The following NBEA variants were observed in gnomAD, a reference collection of about 807,000 sequenced individuals.
The protein encoded by NBEA is neurobeachin, also known as lysosomal-trafficking regulator 2.
In NBEA, 44 loss-of-function variants were observed where a neutral mutation model predicts 343.4. The observed-to-expected ratio is 0.13, with a 90% CI of 0.10 to 0.16. The LOEUF is 0.16. NBEA is among the 10% of genes least tolerant of loss of function. NBEA has a pLI of 1.00. For missense variants in NBEA, 2,555 were observed against 3,631.3 expected (o/e 0.70, Z 7.62); for synonymous variants, 1,175 against 1,238.7 (o/e 0.95, Z 1.08).
chr13:35,626,335 T>C (rs2083229555), intron 48 of NBEA, among the ~76,000 whole-genome samples: 1 of 152,172 alleles, frequency 6.6e-6, no homozygotes, highest in Non-Finnish European at 1.5e-5. Context: ...AAACACATTT[T>C]AAAAGCTCAA....
Position 35,475,319 on chromosome 13 carries a change from T to C in NBEA, c.6585+2783T>C, listed in dbSNP as rs45612732. 2,299 of 1,614,018 alleles carry C rather than the reference T, an allele frequency of 1.4e-3. 5 individuals carry two copies. The highest frequency in any genetic ancestry group is 1.8e-3 in the Non-Finnish European group (2,105 of 1,180,000). ...CACTCGTAGGAAACCAGAGTCTTCA[T>C]ATGGTAATTGTTCAAGGGCTGGCCC... On this transcript the variant is annotated intron_variant, in intron 41 of 58. Transcript: ENST00000379939.
chr13:35,242,794 T>C (rs1318343497), intron 34 of NBEA, among the ~76,000 whole-genome samples: 1 of 151,740 alleles, frequency 6.6e-6, no homozygotes, highest in Admixed American at 6.6e-5. Flanking sequence ...CCAATAATAC[T>C]ACCTCCAGCA....
intron 34 of NBEA, among the ~76,000 whole-genome samples, chr13:35,243,280 A>G (rs1234736100): frequency 2.0e-5 from 3 of 151,940 alleles, no homozygotes; most frequent in Non-Finnish European, 4.4e-5. Context: ...TAGAAATTAC[A>G]CGAAAGAACA....
rs1017142654 is a variant in NBEA, at chr13:35,420,569, G to A, written c.6180-11700G>A. Among the ~76,000 whole-genome samples the A allele has an allele frequency of 3.3e-5, 5 of 151,938 alleles. No individual in the cohort carries two copies. The East Asian group carries it at 9.6e-4, about 29-fold the overall frequency. Reference sequence around the variant, plus strand: ...TTTCTTCCTATTCTGTTTTCTGGAAGAGATTATGTATAATTGGAGTTAATT... The same window carrying A: ...TTTCTTCCTATTCTGTTTTCTGGAAAAGATTATGTATAATTGGAGTTAATT... On this transcript the variant is annotated intron_variant, in intron 38 of 58. Transcript: ENST00000379939.
intron 13 of NBEA, among the ~76,000 whole-genome samples, chr13:35,113,614 T>TATCTATCTATCTATC (rs1388267021): frequency 6.6e-6 from 1 of 151,722 alleles, no homozygotes; most frequent in Non-Finnish European, 1.5e-5. Flanking sequence ...TCTATCTATC[T>TATCTATCTATCTATC]ATCTATCTAT....
intron 38 of NBEA, among the ~76,000 whole-genome samples, chr13:35,361,955 A>AT (rs1299681491): frequency 6.6e-6 from 1 of 151,838 alleles, no homozygotes; most frequent in African/African-American, 2.4e-5. Flanking sequence ...GCTGTCCTAT[A>AT]TTTTTACTGG....
chr13:35,645,800 A>G (rs1227227347), intron 49 of NBEA, 69 bp from the exon 50 acceptor site: 10 of 951,738 alleles, frequency 1.1e-5, no homozygotes, highest in South Asian at 9.5e-5. Flanking sequence ...ATTGGAACCT[A>G]TAACTTTCTG....
chr13:35,111,059 A>G (rs956150426), intron 13 of NBEA, 81 bp downstream of exon 13: 4 of 1,142,446 alleles, frequency 3.5e-6, no homozygotes, highest in East Asian at 2.7e-5. Flanking sequence ...AGCAGTGTAC[A>G]TGACTATGAA....
At chr13:35,165,528 G>A (rs528042956) in intron 24 of NBEA, among the ~76,000 whole-genome samples, 8 of 152,102 alleles carry the variant, frequency 5.3e-5, no homozygotes, top group Non-Finnish European at 1.2e-4. Flanking sequence ...TGTTGATGGT[G>A]TGTGAAGAGT....
At chr13:35,466,009 C>T (rs935790467) in intron 40 of NBEA, among the ~76,000 whole-genome samples, 11 of 152,096 alleles carry the variant, frequency 7.2e-5, no homozygotes, top group African/African-American at 2.4e-4. Context: ...AGATGATCTA[C>T]TATGATGAAC....
intron 18 of NBEA, among the ~76,000 whole-genome samples, chr13:35,153,537 T>C (rs959006630): frequency 6.6e-6 from 1 of 152,240 alleles, no homozygotes; most frequent in African/African-American, 2.4e-5. Context: ...TTTCTGAGTA[T>C]ATGTTTGTCA....
rs377448274 is a variant in NBEA, at chr13:35,620,282, G to A, written c.7450-7799G>A. 3.3e-5 allele frequency among the ~76,000 whole-genome samples: 5 copies of A among 152,102 alleles called. No individual in the cohort carries two copies. In the South Asian group the frequency reaches 1.0e-3, roughly 32 times the overall value. ...AGAAAATACCACTGCAAGAAAAGGA[G>A]ACTGTGAGTACCTGCAGGGGAGAGA... is the stretch of plus-strand genomic sequence containing the variant. On this transcript the variant is annotated intron_variant, in intron 48 of 58. Coordinates refer to ENST00000379939, the MANE Select transcript of NBEA (RefSeq NM_001385012.1).
chr13:35,666,057 G>A (rs973150850), intron 56 of NBEA, among the ~76,000 whole-genome samples: 10 of 152,180 alleles, frequency 6.6e-5, no homozygotes, highest in Non-Finnish European at 7.3e-5. Flanking sequence ...TGGAGAAACT[G>A]AAAGGAGCCC....
intron 1 of NBEA, among the ~76,000 whole-genome samples, chr13:34,981,336 T>C (rs1191899081): frequency 6.6e-6 from 1 of 152,230 alleles, no homozygotes; most frequent in Non-Finnish European, 1.5e-5. Context: ...CTTTTATGAA[T>C]AATGCTGATA....
At chr13:35,071,008 A>T in intron 10 of NBEA, 156 bp downstream of exon 10, 3 of 654,982 alleles carry the variant, frequency 4.6e-6, no homozygotes, top group Non-Finnish European at 6.7e-6. Context: ...AGATATTTAT[A>T]CAATAAATAA....
At chr13:35,224,281 A>C (rs2074535914) in intron 33 of NBEA, among the ~76,000 whole-genome samples, 1 of 152,154 alleles carries the variant, frequency 6.6e-6, no homozygotes, top group African/African-American at 2.4e-5. Context: ...AATATAGTTT[A>C]TTCAAAGATT....
At position 35,452,345 on chromosome 13, in the gene NBEA, C is replaced by T. The variant is rs372335114; in HGVS notation, c.6448+110C>T. ...GTGTGCCAATGGTTGTAACAATGCT[C>T]AATCACATGAATGTTAAAACTCTAC... On this transcript the variant is annotated intron_variant, in intron 40 of 58. Coordinates refer to ENST00000379939, the MANE Select transcript of NBEA (RefSeq NM_001385012.1). The T allele has an allele frequency of 2.0e-4, 152 of 756,550 alleles. 1 individual carries two copies. The African/African-American group carries it at 2.4e-3, about 12-fold the overall frequency. 46.9% of individuals were successfully genotyped at this position (756,550 alleles called of 1,614,324 possible).
chr13:35,389,064 C>T (rs2042380910), intron 38 of NBEA, among the ~76,000 whole-genome samples: 1 of 149,564 alleles, frequency 6.7e-6, no homozygotes. Flanking sequence ...CTGAATGTAA[C>T]CCTGGTTCAC....
chr13:35,093,942 C>T (rs1257601115), intron 10 of NBEA, among the ~76,000 whole-genome samples: 2 of 151,622 alleles, frequency 1.3e-5, no homozygotes, highest in Admixed American at 1.3e-4. Context: ...GCATTTTGCT[C>T]TCAAACTATA....
Sources: gnomAD v4.1 joint callset for allele counts (sites outside exome capture counted in the v4.1 genomes callset) on GRCh38, gnomAD v4.1.1 for gene constraint, MANE v1.5 for transcripts, NCBI Gene and HGNC (gene_info 2026-07-23, HGNC 2026-07-21) for gene names.